Variants in EEA1 observed in about 807,000 individuals in gnomAD.
The protein encoded by EEA1 is early endosome antigen 1.
EEA1 carries 111 observed loss-of-function variants against 209.2 expected under a neutral mutation model. The ratio of observed to expected loss-of-function variants is 0.53; its 90% CI spans 0.45 to 0.62. The LOEUF is 0.62. Among genes scored for constraint, EEA1 ranks in the 20% least tolerant of loss-of-function variants. The probability of loss-of-function intolerance (pLI) is 0.00; values close to 1 mark genes in which losing one functional copy is unlikely to be tolerated. For synonymous variants in EEA1, 536 were observed against 540.6 expected (o/e 0.99, Z 0.12); for missense variants, 1,343 against 1,530.8 (o/e 0.88, Z 2.05).
At chr12:92,788,511 CTTAA>C (rs973030978) in intron 21 of EEA1, among the ~76,000 whole-genome samples, 9 of 152,074 alleles carry the variant, frequency 5.9e-5, no homozygotes, top group Non-Finnish European at 1.3e-4. Flanking sequence ...TACAGGTCAT[CTTAA>C]TTAATATCAA....
chr12:92,867,114 C>A (rs1878435248), intron 2 of EEA1, among the ~76,000 whole-genome samples: 1 of 152,190 alleles, frequency 6.6e-6, no homozygotes, highest in African/African-American at 2.4e-5. Context: ...CAAACTTTAT[C>A]ATCAATATGG....
intron 19 of EEA1, among the ~76,000 whole-genome samples, chr12:92,802,060 C>T (rs943973792): frequency 1.3e-5 from 2 of 151,890 alleles, no homozygotes; most frequent in Admixed American, 6.5e-5. Context: ...AGCAAGAAAA[C>T]TTAGGAAACA....
In EEA1 at chr12:92,792,827, A is replaced by G. The variant is rs187134307; in HGVS notation, c.2968-4778T>C. Among the ~76,000 whole-genome samples the G allele has an allele frequency of 9.8e-5, 15 of 152,304 alleles. No individual in the cohort carries two copies. The East Asian group carries it at 1.3e-3, about 14-fold the overall frequency. The stretch of plus-strand genomic sequence containing the variant: ...ACCAAAGCCCAGAAGAGACACAACT[A>G]AAAAAGAGAATTTGAGGTCAATATC... On this transcript the variant is annotated intron_variant, in intron 21 of 28. Transcript: ENST00000322349.
chr12:92,900,038 A>C (rs1432366728), intron 1 of EEA1, among the ~76,000 whole-genome samples: 1 of 152,150 alleles, frequency 6.6e-6, no homozygotes, highest in Non-Finnish European at 1.5e-5. Context: ...GGGAGACTGG[A>C]GATTCCTAAA....
intron 2 of EEA1, among the ~76,000 whole-genome samples, chr12:92,878,011 T>G (rs2136738923): frequency 6.6e-6 from 1 of 152,332 alleles, no homozygotes. Flanking sequence ...TGGCCTGATC[T>G]GATTCCAGTC....
At chr12:92,808,979 C>A (rs775656903) in intron 18 of EEA1, 38 bp downstream of exon 18, 3 of 1,542,740 alleles carry the variant, frequency 1.9e-6, no homozygotes, top group South Asian at 1.3e-5. Flanking sequence ...AGTTCACAAT[C>A]TTTTCCCTTA....
chr12:92,896,779 A>G (rs988209050), intron 1 of EEA1, among the ~76,000 whole-genome samples: 5 of 151,500 alleles, frequency 3.3e-5, no homozygotes, highest in Non-Finnish European at 7.4e-5. Flanking sequence ...AAAAGAAAAA[A>G]AGAAAAAAAA....
chr12:92,831,177 A>T (rs1876609789), intron 11 of EEA1, among the ~76,000 whole-genome samples: 1 of 152,150 alleles, frequency 6.6e-6, no homozygotes, highest in African/African-American at 2.4e-5. Context: ...AATTATAGTA[A>T]AATAAAGTAT....
chr12:92,919,461 T>C (rs1384372090), intron 1 of EEA1, among the ~76,000 whole-genome samples: 1 of 139,240 alleles, frequency 7.2e-6, no homozygotes, highest in African/African-American at 2.7e-5. Context: ...TCAATAAATG[T>C]AATCCAGCAT....
chr12:92,898,157 G>A (rs1565855943), intron 1 of EEA1, among the ~76,000 whole-genome samples: 2 of 152,166 alleles, frequency 1.3e-5, no homozygotes, highest in African/African-American at 2.4e-5. Flanking sequence ...TAAAGCTACA[G>A]AGAAATTCCC....
intron 21 of EEA1, among the ~76,000 whole-genome samples, chr12:92,793,518 A>G (rs1167136373): frequency 6.6e-6 from 1 of 152,134 alleles, no homozygotes; most frequent in Non-Finnish European, 1.5e-5. Context: ...TCATGAGTGA[A>G]CTCCCATTCA....
intron 18 of EEA1, 105 bp from the exon 19 acceptor site, chr12:92,802,839 G>T: frequency 1.2e-6 from 1 of 867,450 alleles, no homozygotes; most frequent in Non-Finnish European, 1.7e-6. Flanking sequence ...AAACTTTTTT[G>T]TATAGTTCAC....
At chr12:92,884,632 C>G in intron 2 of EEA1, 1 of 1,370,294 alleles carries the variant, frequency 7.3e-7, no homozygotes, top group Non-Finnish European at 1.0e-6. Context: ...AATACTTTGC[C>G]AAACCATGAA....
chr12:92,846,876 T>C (rs1238813696), intron 9 of EEA1, among the ~76,000 whole-genome samples: 1 of 152,224 alleles, frequency 6.6e-6, no homozygotes, highest in Non-Finnish European at 1.5e-5. Flanking sequence ...AAACATTTAT[T>C]TGAGCTAAAT....
rs1565800314 is a variant in EEA1, at chr12:92,771,374, A to G, written c.*4637T>C. ...TCCTTGAGGAAGGTGAAATTTCACT[A>G]TGCAAACAAAGCAGTAAAGACAAGT... On this transcript the variant is annotated 3_prime_UTR_variant, in exon 29 of 29. Coordinates refer to ENST00000322349, the MANE Select transcript of EEA1 (RefSeq NM_003566.4). 6.6e-6 allele frequency: 1 copy of G among 152,106 alleles called. No individual in the cohort carries two copies. Among genetic ancestry groups the G allele is most frequent in the African/African-American group, 2.4e-5 (1 of 41,448 alleles). 9.4% of individuals were successfully genotyped at this position (152,106 alleles called of 1,614,324 possible).
At chr12:92,820,638 A>AATGC (rs1876005868) in intron 13 of EEA1, among the ~76,000 whole-genome samples, 1 of 151,964 alleles carries the variant, frequency 6.6e-6, no homozygotes, top group African/African-American at 2.4e-5. Context: ...GCAAATACCT[A>AATGC]ATGCATGCGG....
At chr12:92,806,453 T>C (rs544382783) in intron 18 of EEA1, among the ~76,000 whole-genome samples, 11 of 152,222 alleles carry the variant, frequency 7.2e-5, no homozygotes, top group Admixed American at 1.3e-4. Context: ...ATCAGGAAAT[T>C]AGAATAGCTC....
At chr12:92,877,080 A>AAT in intron 2 of EEA1, among the ~76,000 whole-genome samples, 1 of 150,458 alleles carries the variant, frequency 6.6e-6, no homozygotes, top group Non-Finnish European at 1.5e-5. Context: ...AGTAGCTGGG[A>AAT]TTACAGGCAT....
At chr12:92,849,041 A>G (rs534606173) in intron 9 of EEA1, among the ~76,000 whole-genome samples, 33 of 152,222 alleles carry the variant, frequency 2.2e-4, no homozygotes, top group Admixed American at 3.9e-4. Context: ...TTTAAATGCA[A>G]GTAAACATGT....
Sources: gnomAD v4.1 joint callset for allele counts (sites outside exome capture counted in the v4.1 genomes callset) on GRCh38, gnomAD v4.1.1 for gene constraint, MANE v1.5 for transcripts, NCBI Gene and HGNC (gene_info 2026-07-23, HGNC 2026-07-21) for gene names.